ANO10: variants seen among roughly 807,000 people sequenced by gnomAD.
ANO10 encodes the protein anoctamin 10, also known as anoctamin-10.
Under a neutral mutation model 74.7 loss-of-function variants are expected in ANO10, and 77 were observed. The ratio of observed to expected loss-of-function variants is 1.03; its 90% confidence interval spans 0.86 to 1.25. ANO10 has a LOEUF of 1.25. ANO10 is among the 50% of genes most tolerant of loss of function. The probability of loss-of-function intolerance (pLI) is 0.00; values close to 1 mark genes in which losing one functional copy is unlikely to be tolerated. For missense variants in ANO10, 721 were observed against 778.1 expected (o/e 0.93, Z 0.87); for synonymous variants, 279 against 284.9 (o/e 0.98, Z 0.21).
At chr3:43,670,413 A>G (rs2084045182) in intron 1 of ANO10, among the ~76,000 whole-genome samples, 1 of 152,120 alleles carries the variant, frequency 6.6e-6, no homozygotes, top group South Asian at 2.1e-4. Flanking sequence ...TTTATGCTTA[A>G]GAGTCTTAAT....
At chr3:43,623,834 T>C (rs1381214213), upstream of ANO10, among the ~76,000 whole-genome samples, 2 of 152,248 alleles carry the variant, frequency 1.3e-5, no homozygotes, top group African/African-American at 2.4e-5. Flanking sequence ...TGTGTGGTTA[T>C]GTTCAGAAGT....
chr3:43,512,149 T>C (rs1326012918), intron 11 of ANO10, among the ~76,000 whole-genome samples: 1 of 152,200 alleles, frequency 6.6e-6, no homozygotes, highest in Non-Finnish European at 1.5e-5. Flanking sequence ...TGTCAATGCA[T>C]GATTCTATCA....
At chr3:43,414,763 C>A (rs1375965965) in intron 12 of ANO10, among the ~76,000 whole-genome samples, 2 of 152,092 alleles carry the variant, frequency 1.3e-5, no homozygotes, top group Non-Finnish European at 2.9e-5. Flanking sequence ...TAAAACCATC[C>A]ATCTCTAAGC....
intron 1 of ANO10, among the ~76,000 whole-genome samples, chr3:43,674,172 C>G (rs2084092977): frequency 6.6e-6 from 1 of 152,180 alleles, no homozygotes. Context: ...TGGAATTTCC[C>G]TCTGTCACCT....
chr3:43,500,449 G>A (rs2077059349), intron 11 of ANO10, among the ~76,000 whole-genome samples: 1 of 152,200 alleles, frequency 6.6e-6, no homozygotes, highest in Admixed American at 6.5e-5. Context: ...ACCATGAGGA[G>A]TTGCTGTTGC....
intron 1 of ANO10, among the ~76,000 whole-genome samples, chr3:43,657,454 G>A (rs1275572305): frequency 6.6e-6 from 1 of 152,160 alleles, no homozygotes; most frequent in Non-Finnish European, 1.5e-5. Flanking sequence ...AGGCCCCTCA[G>A]TTCCATTTAT....
chr3:43,621,159 T>C (rs562036513), intron 1 of ANO10, among the ~76,000 whole-genome samples: 1 of 152,264 alleles, frequency 6.6e-6, no homozygotes, highest in South Asian at 2.1e-4. Flanking sequence ...GGGATCTCCA[T>C]ACACCGTCCT....
At chr3:43,473,155 C>CT (rs34840714) in intron 11 of ANO10, among the ~76,000 whole-genome samples, 33,590 of 149,530 alleles carry the variant, frequency 0.22, 4,204 homozygotes, top group Middle Eastern at 0.36. Flanking sequence ...TCCAAAATGT[C>CT]TTTTTTTTTT....
intron 1 of ANO10, among the ~76,000 whole-genome samples, chr3:43,631,092 A>T (rs1218193336): frequency 6.6e-6 from 1 of 152,236 alleles, no homozygotes; most frequent in Non-Finnish European, 1.5e-5. Flanking sequence ...GGCAGCTGGA[A>T]GGCTGCTGTC....
chr3:43,656,648 C>T (rs976711412), intron 1 of ANO10, among the ~76,000 whole-genome samples: 1 of 152,230 alleles, frequency 6.6e-6, no homozygotes, highest in African/African-American at 2.4e-5. Flanking sequence ...ACCCAGTACA[C>T]CCTCCGCAGC....
chr3:43,611,724 A>G (rs1452185588), intron 1 of ANO10, among the ~76,000 whole-genome samples: 1 of 152,206 alleles, frequency 6.6e-6, no homozygotes, highest in Non-Finnish European at 1.5e-5. Context: ...GGCTACTAGT[A>G]TAAATAGAAT....
chr3:43,446,072 T>A, intron 11 of ANO10, among the ~76,000 whole-genome samples: 1 of 152,156 alleles, frequency 6.6e-6, no homozygotes, highest in East Asian at 1.9e-4. Flanking sequence ...TAGATATCAC[T>A]GTGTGTAGAA....
chr3:43,428,013 G>A (rs191286732), intron 12 of ANO10, among the ~76,000 whole-genome samples: 15 of 151,954 alleles, frequency 9.9e-5, no homozygotes, highest in African/African-American at 2.4e-4. Flanking sequence ...AGTGAGAGGC[G>A]GTTGTTACAT....
chr3:43,545,513 G>A (rs544153825), intron 11 of ANO10, among the ~76,000 whole-genome samples: 26 of 152,062 alleles, frequency 1.7e-4, no homozygotes, highest in African/African-American at 4.8e-4. Flanking sequence ...TTACAGGCAC[G>A]CACCACCATG....
chr3:43,437,636 C>G (rs1172087648), intron 11 of ANO10, among the ~76,000 whole-genome samples: 1 of 152,018 alleles, frequency 6.6e-6, no homozygotes, highest in Non-Finnish European at 1.5e-5. Context: ...ATACCAGAGG[C>G]AGAAAGAAAT....
At chr3:43,370,592 A>T (rs1286205382) in intron 12 of ANO10, among the ~76,000 whole-genome samples, 4 of 152,208 alleles carry the variant, frequency 2.6e-5, no homozygotes, top group African/African-American at 4.8e-5. Flanking sequence ...CCCCTTAAAA[A>T]AAACCTGGCT....
chr3:43,439,143 A>G (rs1208391543), intron 11 of ANO10, among the ~76,000 whole-genome samples: 1 of 152,054 alleles, frequency 6.6e-6, no homozygotes, highest in East Asian at 1.9e-4. Flanking sequence ...CAGCAAGAGA[A>G]AAGTAATTTA....
At chr3:43,571,335 G>A (rs2080703145) in intron 7 of ANO10, among the ~76,000 whole-genome samples, 1 of 152,136 alleles carries the variant, frequency 6.6e-6, no homozygotes, top group South Asian at 2.1e-4. Flanking sequence ...CCATTACTGA[G>A]TATATACCCA....
intron 12 of ANO10, among the ~76,000 whole-genome samples, chr3:43,370,577 A>G (rs1045896248): frequency 2.0e-5 from 3 of 152,122 alleles, no homozygotes; most frequent in Non-Finnish European, 4.4e-5. Context: ...AGGGAGCAAC[A>G]ATATCCCCTT....
Sources: gnomAD v4.1 joint callset for allele counts (sites outside exome capture counted in the v4.1 genomes callset) on GRCh38, gnomAD v4.1.1 for gene constraint, MANE v1.5 for transcripts, NCBI Gene and HGNC (gene_info 2026-07-23, HGNC 2026-07-21) for gene names.